The following SPARCL1 variants were observed in gnomAD, a reference collection of about 807,000 sequenced individuals.
SPARCL1 encodes SPARC like 1.
A neutral mutation model predicts 67.1 loss-of-function variants in SPARCL1; 52 were observed. That is an observed-to-expected ratio of 0.78 (90% CI 0.62 to 0.98). The LOEUF (loss-of-function observed/expected upper bound fraction) is 0.98, where lower values mean the gene tolerates loss of function less well. Ranked by LOEUF, SPARCL1 falls within the 50% of genes least tolerant of loss-of-function variation. SPARCL1 has a pLI of 0.00. For missense variants in SPARCL1, 717 were observed against 782.4 expected, an observed-to-expected ratio of 0.92 and a Z score of 1.00; for synonymous variants, 226 against 267.8, an observed-to-expected ratio of 0.84 and a Z score of 1.52.
rs769523960 is a variant in SPARCL1 at position 87,494,392 on chromosome 4, C to T, written c.408G>A (p.Glu136=). The part of the protein sequence containing the change: ...MSEPQEKKLS[E]NTDFLAPGVS... ...CACCAGGAGCCAAAAAATCAGTGTT[C>T]TCTGAGAGTTTTTTCTCCTGAGGCT... The change falls in exon 4 of 11, where the codon GAG becomes GAA. Residue 136 remains glutamate, a synonymous_variant. Coordinates refer to ENST00000282470, the MANE Select transcript of SPARCL1 (RefSeq NM_004684.6). 6.2e-7 allele frequency: 1 copy of T among 1,614,094 alleles called. No homozygotes were observed. The highest frequency in any genetic ancestry group is 1.1e-5 in the South Asian group (1 of 91,076).
chr4:87,524,297 T>A (rs1725947544), intron 1 of SPARCL1, among the ~76,000 whole-genome samples: 1 of 152,192 alleles, frequency 6.6e-6, no homozygotes, highest in South Asian at 2.1e-4. Context: ...GAGGCCTCTA[T>A]TCATTATATT....
chr4:87,524,130 A>G (rs4693832), intron 1 of SPARCL1, among the ~76,000 whole-genome samples: 35,913 of 152,176 alleles, frequency 0.24, 4,417 homozygotes, highest in South Asian at 0.36. Context: ...ACTGAAACAG[A>G]AACGTAATAA....
intron 7 of SPARCL1, among the ~76,000 whole-genome samples, chr4:87,483,595 T>A (rs1723923477): frequency 6.6e-6 from 1 of 152,232 alleles, no homozygotes; most frequent in South Asian, 2.1e-4. Context: ...CCTTTGGGTA[T>A]ATACCCAGTA....
intron 1 of SPARCL1, among the ~76,000 whole-genome samples, chr4:87,521,778 G>T (rs1280393104): frequency 1.3e-5 from 2 of 152,040 alleles, no homozygotes; most frequent in East Asian, 3.8e-4. Context: ...TATTACTCTT[G>T]GCCTATCATT....
chr4:87,528,561 G>T (rs1726148734), intron 1 of SPARCL1: 1 of 152,116 alleles, frequency 6.6e-6, no homozygotes, highest in South Asian at 2.1e-4. Flanking sequence ...CTACCTTTTG[G>T]AAAAGCAAAA....
chr4:87,479,689 T>G (rs983999909), intron 9 of SPARCL1, 111 bp from the exon 10 acceptor site: 17 of 960,554 alleles, frequency 1.8e-5, no homozygotes, highest in Non-Finnish European at 2.5e-5. Context: ...ATATGTGATA[T>G]AAATAGAATA....
intron 8 of SPARCL1, among the ~76,000 whole-genome samples, chr4:87,480,863 G>A (rs1723795360): frequency 6.8e-6 from 1 of 147,190 alleles, no homozygotes; most frequent in South Asian, 2.1e-4. Flanking sequence ...AATGAAAAGG[G>A]CTGAATTGAC....
At chr4:87,484,061 TG>T (rs1723949036) in intron 7 of SPARCL1, among the ~76,000 whole-genome samples, 1 of 152,210 alleles carries the variant, frequency 6.6e-6, no homozygotes, top group Non-Finnish European at 1.5e-5. Context: ...TAGTTTCTTT[TG>T]CTGTGCAGAA....
At chr4:87,514,280 C>T (rs1446398671) in intron 1 of SPARCL1, among the ~76,000 whole-genome samples, 1 of 152,172 alleles carries the variant, frequency 6.6e-6, no homozygotes, top group Non-Finnish European at 1.5e-5. Flanking sequence ...AAAGAGCTAT[C>T]GAATGCTGAG....
rs55737224 is a variant in SPARCL1, at chr4:87,501,969, A to AT, written c.-11-2385dup. ...CTTTTACCTTACATCTCTCCTATTG[A>AT]TTTTTTTTTTTTTCCTGGAGATAGG... On this transcript the variant is annotated intron_variant, in intron 1 of 10. Coordinates refer to ENST00000282470, the MANE Select transcript of SPARCL1 (RefSeq NM_004684.6). Among the ~76,000 whole-genome samples the AT allele has an allele frequency of 5.2e-3, 757 of 144,616 alleles. 8 individuals are homozygous for AT. Among genetic ancestry groups the AT allele is most frequent in the African/African-American group, 0.016 (625 of 39,352 alleles). 94.9% of individuals were successfully genotyped at this position (144,616 alleles called of 152,430 possible). A position where few individuals can be genotyped will look rare whatever the true frequency, so the allele number is the denominator to read the frequency against.
At chr4:87,505,448 C>T (rs141434958) in intron 1 of SPARCL1, among the ~76,000 whole-genome samples, 2,674 of 152,118 alleles carry the variant, frequency 0.018, 60 homozygotes, top group African/African-American at 0.058. Context: ...CATTGAAAAA[C>T]GCAGTTTCTT....
chr4:87,476,444 C>T (rs1474716347), intron 10 of SPARCL1, among the ~76,000 whole-genome samples: 1 of 152,148 alleles, frequency 6.6e-6, no homozygotes, highest in Non-Finnish European at 1.5e-5. Flanking sequence ...ATTCTCTCAA[C>T]AATTCTTTGG....
chr4:87,483,773 C>T (rs1002950084), intron 7 of SPARCL1, among the ~76,000 whole-genome samples: 10 of 152,178 alleles, frequency 6.6e-5, no homozygotes, highest in Non-Finnish European at 1.0e-4. Flanking sequence ...TAATGATCGC[C>T]ATTCTAACTG....
chr4:87,494,545 T>C lies in SPARCL1; in HGVS notation c.255A>G (p.Ala85=). 1 of 1,614,046 alleles carries C rather than the reference T, an allele frequency of 6.2e-7. No individual in the cohort carries two copies. The highest frequency in any genetic ancestry group is 8.5e-7 in the Non-Finnish European group (1 of 1,180,006). Residue 85 remains alanine (A), a synonymous_variant, in exon 4 of 11, where the codon GCA becomes GCG. Coordinates refer to ENST00000282470, the MANE Select transcript of SPARCL1 (RefSeq NM_004684.6). ...CTTGGCTAGAACTCTTGCCCTGTTCTGCTGACTGTTCATGGCTTTCCTCTT... is the reference window on the plus strand; with the variant it reads ...CTTGGCTAGAACTCTTGCCCTGTTCCGCTGACTGTTCATGGCTTTCCTCTT... ...KSKEESHEQS[A]EQGKSSSQEL... is the part of the protein sequence containing the mutation.
At chr4:87,501,482 TA>T (rs1724846343) in intron 1 of SPARCL1, among the ~76,000 whole-genome samples, 1 of 152,160 alleles carries the variant, frequency 6.6e-6, no homozygotes. Context: ...ATAGTTTGAA[TA>T]GATATAGAAT....
chr4:87,478,131 G>T (rs1176812896), intron 10 of SPARCL1, among the ~76,000 whole-genome samples: 2 of 152,086 alleles, frequency 1.3e-5, no homozygotes, highest in East Asian at 1.9e-4. Context: ...TTCTTTAACG[G>T]CTTAGCTGCA....
Position 87,479,579 on chromosome 4 carries a change from C to T in SPARCL1, c.1818-1G>A. 1 of 1,613,340 alleles carries T rather than the reference C, an allele frequency of 6.2e-7. No homozygotes were observed. Among genetic ancestry groups the T allele is most frequent in the Non-Finnish European group, 8.5e-7 (1 of 1,179,760 alleles). The stretch of plus-strand genomic sequence containing the variant: ...AGCAAGTTCAGAATGTGTCAAGACT[C>T]TGCAATGAAATACATGGCATCCTAT... On this transcript the variant is annotated splice_acceptor_variant, in intron 9 of 10. Coordinates refer to ENST00000282470, the MANE Select transcript of SPARCL1 (RefSeq NM_004684.6). LOFTEE classifies it high-confidence loss of function.
intron 10 of SPARCL1, among the ~76,000 whole-genome samples, chr4:87,478,598 C>T (rs748458534): frequency 1.1e-4 from 16 of 152,014 alleles, no homozygotes; most frequent in Non-Finnish European, 2.4e-4. Flanking sequence ...CCACCAAGCC[C>T]GCCTAATTTT....
chr4:87,496,076 G>A (rs1724608081), intron 2 of SPARCL1, among the ~76,000 whole-genome samples: 1 of 152,144 alleles, frequency 6.6e-6, no homozygotes, highest in Non-Finnish European at 1.5e-5. Context: ...AAAGAGCTGG[G>A]CAGTGATGCA....
Sources: gnomAD v4.1 joint callset for allele counts (sites outside exome capture counted in the v4.1 genomes callset) on GRCh38, gnomAD v4.1.1 for gene constraint, MANE v1.5 for transcripts, NCBI Gene and HGNC (gene_info 2026-07-23, HGNC 2026-07-21) for gene names.